Variants in CTNNA2 observed in about 807,000 individuals in gnomAD.
CTNNA2 encodes catenin alpha-2.
In CTNNA2, 42 loss-of-function variants were observed where a neutral mutation model predicts 101.0. That is an observed-to-expected ratio of 0.42 (90% CI 0.32 to 0.54). CTNNA2 has a LOEUF of 0.54. CTNNA2 is among the 20% of genes least tolerant of loss of function. The pLI, the probability that CTNNA2 is intolerant of heterozygous loss-of-function variation, is 0.14. For synonymous variants in CTNNA2, 450 were observed against 456.4 expected, an observed-to-expected ratio of 0.99 and a Z score of 0.18; for missense variants, 871 against 1,223.1, an observed-to-expected ratio of 0.71 and a Z score of 4.29.
intron 7 of CTNNA2, among the ~76,000 whole-genome samples, chr2:80,099,402 A>G (rs1011651231): frequency 6.6e-6 from 1 of 152,152 alleles, no homozygotes; most frequent in African/African-American, 2.4e-5. Flanking sequence ...GTTGGAATAC[A>G]TTGATAAACT....
At chr2:79,512,161 C>T (rs1671562397), upstream of CTNNA2, among the ~76,000 whole-genome samples, 1 of 152,136 alleles carries the variant, frequency 6.6e-6, no homozygotes, top group African/African-American at 2.4e-5. Context: ...GCGGCGCAAA[C>T]ACTCCCTGCC....
chr2:79,313,836 G>A (rs1437808988), intron 3 of CTNNA2, among the ~76,000 whole-genome samples: 1 of 152,120 alleles, frequency 6.6e-6, no homozygotes, highest in African/African-American at 2.4e-5. Flanking sequence ...TTGGGGGTAA[G>A]AGGGGAGAAG....
intron 8 of CTNNA2, among the ~76,000 whole-genome samples, chr2:80,419,179 G>C (rs1222635438): frequency 1.3e-5 from 2 of 152,178 alleles, no homozygotes; most frequent in Non-Finnish European, 2.9e-5. Context: ...TGAAGGATGA[G>C]AGAAGGCCTT....
intron 3 of CTNNA2, among the ~76,000 whole-genome samples, chr2:79,350,695 C>A (rs1677366969): frequency 6.6e-6 from 1 of 152,040 alleles, no homozygotes; most frequent in Non-Finnish European, 1.5e-5. Flanking sequence ...TAGTTTTAGT[C>A]CTTTGAGAAA....
intron 1 of CTNNA2, among the ~76,000 whole-genome samples, chr2:79,191,883 A>G: frequency 6.6e-6 from 1 of 152,170 alleles, no homozygotes; most frequent in South Asian, 2.1e-4. Context: ...TAGGCTGTAT[A>G]TGTGAAAATG....
intron 8 of CTNNA2, among the ~76,000 whole-genome samples, chr2:80,394,490 T>C (rs944129050): frequency 9.9e-5 from 15 of 152,230 alleles, no homozygotes; most frequent in African/African-American, 3.6e-4. Context: ...TAAGGCAGAA[T>C]ACAACATTGT....
chr2:80,418,260 CTAG>C (rs1680210020), intron 8 of CTNNA2, among the ~76,000 whole-genome samples: 1 of 152,100 alleles, frequency 6.6e-6, no homozygotes, highest in Admixed American at 6.5e-5. Flanking sequence ...ATTTGAAGAA[CTAG>C]TATAAGAATC....
chr2:79,500,617 C>T (rs1187084386), intron 4 of CTNNA2: 1 of 152,214 alleles, frequency 6.6e-6, no homozygotes, highest in African/African-American at 2.4e-5. Flanking sequence ...TAGGGGTATA[C>T]AAAATGCATT....
At chr2:79,869,658 T>A (rs1682433218) in intron 4 of CTNNA2, among the ~76,000 whole-genome samples, 158 bp from the exon 5 acceptor site, 1 of 152,258 alleles carries the variant, frequency 6.6e-6, no homozygotes, top group Non-Finnish European at 1.5e-5. Context: ...TTAATCTGAC[T>A]ACACATGATT....
chr2:79,258,955 T>G (rs1367490371), intron 2 of CTNNA2, among the ~76,000 whole-genome samples: 1 of 152,100 alleles, frequency 6.6e-6, no homozygotes, highest in Non-Finnish European at 1.5e-5. Context: ...GGCCTATATT[T>G]TAATCTTTTG....
At chr2:79,553,720 T>C (rs541819212) in intron 1 of CTNNA2, among the ~76,000 whole-genome samples, 2 of 152,284 alleles carry the variant, frequency 1.3e-5, no homozygotes, top group African/African-American at 4.8e-5. Flanking sequence ...AACAGGGGGA[T>C]GTCTGCCCTC....
intron 3 of CTNNA2, among the ~76,000 whole-genome samples, chr2:79,850,976 A>G (rs973790284): frequency 6.6e-6 from 1 of 152,224 alleles, no homozygotes; most frequent in Non-Finnish European, 1.5e-5. Flanking sequence ...TTGCTGCTGG[A>G]ACCATCCCAG....
intron 1 of CTNNA2, among the ~76,000 whole-genome samples, chr2:79,614,731 T>G (rs1262423073): frequency 6.6e-6 from 1 of 152,196 alleles, no homozygotes; most frequent in Non-Finnish European, 1.5e-5. Flanking sequence ...GCAAAATGTT[T>G]TTATATTTTC....
chr2:80,389,564 A>T (rs993957650), intron 7 of CTNNA2, among the ~76,000 whole-genome samples: 2 of 152,124 alleles, frequency 1.3e-5, no homozygotes, highest in Non-Finnish European at 1.5e-5. Context: ...GTTTAAACTG[A>T]TGAATTTAAA....
At chr2:80,616,870 C>T (rs1444347985) in intron 17 of CTNNA2, among the ~76,000 whole-genome samples, 1 of 151,642 alleles carries the variant, frequency 6.6e-6, no homozygotes, top group African/African-American at 2.4e-5. Flanking sequence ...ACTAAATTCA[C>T]CTAAGAGGTC....
chr2:79,528,884 C>G (rs1672573042), intron 1 of CTNNA2, among the ~76,000 whole-genome samples: 2 of 152,108 alleles, frequency 1.3e-5, no homozygotes, highest in South Asian at 4.1e-4. Context: ...GACATGGTTT[C>G]TACCCTTAGG....
At chr2:79,519,830 C>T (rs371111300) in intron 1 of CTNNA2, among the ~76,000 whole-genome samples, 12 of 152,246 alleles carry the variant, frequency 7.9e-5, no homozygotes, top group African/African-American at 1.2e-4. Flanking sequence ...AAACTTCTTC[C>T]TACATTGAAG....
chr2:80,081,041 G>A (rs543324371), intron 7 of CTNNA2, among the ~76,000 whole-genome samples: 32 of 149,864 alleles, frequency 2.1e-4, no homozygotes, highest in Admixed American at 4.7e-4. Flanking sequence ...TAGAAATGCC[G>A]TTTGAGGAGG....
intron 6 of CTNNA2, among the ~76,000 whole-genome samples, chr2:79,885,287 G>A (rs965467109): frequency 6.6e-6 from 1 of 152,174 alleles, no homozygotes; most frequent in African/African-American, 2.4e-5. Context: ...GGGTTTTTCT[G>A]TTGTGCCTCC....
Sources: allele counts gnomAD v4.1 joint callset (sites outside exome capture counted in the v4.1 genomes callset), GRCh38; gene constraint gnomAD v4.1.1; transcripts MANE v1.5; gene names NCBI Gene and HGNC (gene_info 2026-07-23, HGNC 2026-07-21).